Variants in MAP4K3 observed in about 807,000 individuals in gnomAD.
The protein encoded by MAP4K3 is MAPK/ERK kinase kinase kinase 3.
A neutral mutation model predicts 143.5 loss-of-function variants in MAP4K3; 94 were observed. The observed-to-expected ratio is 0.65, with a 90% CI of 0.55 to 0.78. The LOEUF is 0.78. MAP4K3 is among the 30% of genes least tolerant of loss of function. MAP4K3 has a pLI of 0.00. For missense variants in MAP4K3, 1,077 were observed against 1,068.1 expected, an observed-to-expected ratio of 1.01 and a Z score of -0.12; for synonymous variants, 416 against 347.2, an observed-to-expected ratio of 1.20 and a Z score of -2.20.
intron 28 of MAP4K3, among the ~76,000 whole-genome samples, chr2:39,263,698 G>C (rs1020101688): frequency 1.3e-5 from 2 of 152,112 alleles, no homozygotes; most frequent in African/African-American, 4.8e-5. Flanking sequence ...TTAAAATCTT[G>C]AGGGAGACCT....
At chr2:39,255,181 T>C (rs1680296323) in intron 31 of MAP4K3, among the ~76,000 whole-genome samples, 1 of 152,190 alleles carries the variant, frequency 6.6e-6, no homozygotes, top group African/African-American at 2.4e-5. Flanking sequence ...CCTTCATACA[T>C]TCAGTAAGAT....
intron 26 of MAP4K3, among the ~76,000 whole-genome samples, chr2:39,268,876 T>C (rs181058400): frequency 8.5e-5 from 13 of 152,080 alleles, no homozygotes; most frequent in South Asian, 6.2e-4. Flanking sequence ...CTGACCTCAA[T>C]TGATCCACCG....
intron 28 of MAP4K3, among the ~76,000 whole-genome samples, chr2:39,263,556 A>G (rs978595723): frequency 1.3e-5 from 2 of 151,770 alleles, no homozygotes; most frequent in Admixed American, 1.3e-4. Context: ...TGGGATTACA[A>G]GCGTGAGCCA....
intron 2 of MAP4K3, among the ~76,000 whole-genome samples, chr2:39,373,784 G>C (rs569377351): frequency 6.6e-6 from 1 of 152,284 alleles, no homozygotes; most frequent in East Asian, 1.9e-4. Context: ...GGTTACCATA[G>C]GCTGGGAAGC....
chr2:39,316,355 T>A (rs11124676), intron 12 of MAP4K3, among the ~76,000 whole-genome samples: 133,870 of 152,052 alleles, frequency 0.88, 59,118 homozygotes, highest in Non-Finnish European at 0.91. Flanking sequence ...AACCTCTAGC[T>A]TGTCAGGAAC....
Position 39,265,075 on chromosome 2 carries a change from A to C in MAP4K3, c.2136+128T>G, listed in dbSNP as rs1387461162. 8.6e-6 allele frequency: 6 copies of C among 699,738 alleles called. No individual in the cohort carries two copies. The Admixed American group carries it at 1.1e-4, about 13-fold the overall frequency. The allele number at this position is 699,738 out of a possible 1,614,324, so 43.3% of individuals were successfully genotyped here. A position where few individuals can be genotyped will look rare whatever the true frequency, so the allele number is the denominator to read the frequency against. ...TGCTTACAACTGGGCAGATTTTTAC[A>C]ACCCTGCCACATTATCTAAAATCAC... On this transcript the variant is annotated intron_variant, in intron 28 of 33. Coordinates refer to ENST00000263881, the MANE Select transcript of MAP4K3 (RefSeq NM_003618.4).
chr2:39,271,852 C>G (rs1401954382), intron 26 of MAP4K3: 1 of 158,236 alleles, frequency 6.3e-6, no homozygotes, highest in Non-Finnish European at 1.4e-5. Flanking sequence ...CTGCCTCAGC[C>G]TCTCAAAGTA....
intron 12 of MAP4K3, among the ~76,000 whole-genome samples, chr2:39,320,616 T>A (rs1373777487): frequency 6.6e-6 from 1 of 152,156 alleles, no homozygotes; most frequent in Non-Finnish European, 1.5e-5. Context: ...CATACAGGAA[T>A]ATTCTGAAGG....
Position 39,290,352 on chromosome 2 carries a change from T to C in MAP4K3, c.1272-18A>G. ...GAGTTGAGCTAAAAACAGAAAAGTTTAGAATCAGAACTATTCATTTTACAA... is the reference window on the plus strand; with the variant it reads ...GAGTTGAGCTAAAAACAGAAAAGTTCAGAATCAGAACTATTCATTTTACAA... On this transcript the variant is annotated intron_variant, in intron 18 of 33. Transcript: ENST00000263881. The C allele has an allele frequency of 6.3e-7, 1 of 1,579,926 alleles. No homozygotes were observed. Among genetic ancestry groups the C allele is most frequent in the Non-Finnish European group, 8.7e-7 (1 of 1,155,192 alleles).
intron 15 of MAP4K3, among the ~76,000 whole-genome samples, chr2:39,300,506 T>C (rs1461512805): frequency 6.6e-6 from 1 of 152,178 alleles, no homozygotes; most frequent in Non-Finnish European, 1.5e-5. Flanking sequence ...GAAAAAGAAA[T>C]GTGCTTTCCA....
At chr2:39,362,985 T>C (rs1156350482) in intron 2 of MAP4K3, among the ~76,000 whole-genome samples, 1 of 152,222 alleles carries the variant, frequency 6.6e-6, no homozygotes, top group Non-Finnish European at 1.5e-5. Flanking sequence ...AAAAACTGGA[T>C]GGCAGCATGC....
chr2:39,358,335 T>C (rs1399395549), intron 2 of MAP4K3, among the ~76,000 whole-genome samples: 3 of 152,198 alleles, frequency 2.0e-5, no homozygotes, highest in Non-Finnish European at 4.4e-5. Context: ...GTACCAAAGA[T>C]GTGATCAATA....
At chr2:39,279,432 G>A (rs1681418839) in intron 23 of MAP4K3, among the ~76,000 whole-genome samples, 1 of 152,126 alleles carries the variant, frequency 6.6e-6, no homozygotes, top group African/African-American at 2.4e-5. Context: ...TTTAATGAGT[G>A]TATGTGTATG....
chr2:39,295,251 T>C (rs779786436), intron 16 of MAP4K3, among the ~76,000 whole-genome samples: 2 of 152,092 alleles, frequency 1.3e-5, no homozygotes, highest in Admixed American at 1.3e-4. Context: ...GAAACCACTG[T>C]GAAGAGCTGG....
intron 2 of MAP4K3, among the ~76,000 whole-genome samples, chr2:39,377,364 C>T (rs546702746): frequency 6.6e-6 from 1 of 151,970 alleles, no homozygotes; most frequent in East Asian, 1.9e-4. Flanking sequence ...GGTACTCGGT[C>T]TAGACACTAG....
intron 1 of MAP4K3, among the ~76,000 whole-genome samples, chr2:39,387,199 G>C (rs1018629982): frequency 6.6e-6 from 1 of 151,966 alleles, no homozygotes; most frequent in African/African-American, 2.4e-5. Context: ...TTTCAAAGTT[G>C]CTTTGGCAAC....
intron 2 of MAP4K3, among the ~76,000 whole-genome samples, chr2:39,372,054 CA>C (rs2148573187): frequency 6.6e-6 from 1 of 151,630 alleles, no homozygotes; most frequent in East Asian, 1.9e-4. Flanking sequence ...AAGACTCCAC[CA>C]AAAAACTATT....
chr2:39,304,929 G>A (rs996217931), intron 15 of MAP4K3, among the ~76,000 whole-genome samples: 6 of 152,270 alleles, frequency 3.9e-5, no homozygotes, highest in East Asian at 3.9e-4. Flanking sequence ...AAGGTATTAC[G>A]AAATTATGCT....
Position 39,316,315 on chromosome 2 carries a change from A to T in MAP4K3, c.919-927T>A, listed in dbSNP as rs190492185. Among the ~76,000 whole-genome samples, 638 of 152,288 alleles carry T rather than the reference A, an allele frequency of 4.2e-3. 6 individuals carry two copies. Among genetic ancestry groups the T allele is most frequent in the African/African-American group, 0.014 (602 of 41,566 alleles). Reference sequence around the variant, plus strand: ...ATAAGAAAAAGAAAAAGCTGAAAAAATATGATTTAGAGAAACCCTGTGAAA... The same window carrying T: ...ATAAGAAAAAGAAAAAGCTGAAAAATTATGATTTAGAGAAACCCTGTGAAA... On this transcript the variant is annotated intron_variant, in intron 12 of 33. Transcript: ENST00000263881.
Sources: allele counts gnomAD v4.1 joint callset (sites outside exome capture counted in the v4.1 genomes callset), GRCh38; gene constraint gnomAD v4.1.1; transcripts MANE v1.5; gene names NCBI Gene and HGNC (gene_info 2026-07-23, HGNC 2026-07-21).